TGFBR1: variants seen among roughly 807,000 people sequenced by gnomAD.
TGFBR1 encodes the protein transforming growth factor beta receptor 1, also known as TGF-beta receptor type-1.
TGFBR1 carries 20 observed loss-of-function variants against 55.1 expected under a neutral mutation model. That is an observed-to-expected ratio of 0.36 (90% confidence interval 0.26 to 0.53). The LOEUF (loss-of-function observed/expected upper bound fraction) is 0.53, where lower values mean the gene tolerates loss of function less well. TGFBR1 is among the 20% of genes least tolerant of loss of function. TGFBR1 has a pLI of 0.91. For missense variants in TGFBR1, 385 were observed against 617.6 expected (o/e 0.62, Z 3.99); for synonymous variants, 220 against 214.8 (o/e 1.02, Z -0.21).
intron 1 of TGFBR1, among the ~76,000 whole-genome samples, chr9:99,116,774 G>A (rs1044748965): frequency 6.6e-6 from 1 of 152,026 alleles, no homozygotes; most frequent in East Asian, 1.9e-4. Flanking sequence ...AGATTTTGAG[G>A]TCTGAAAACT....
intron 4 of TGFBR1, among the ~76,000 whole-genome samples, chr9:99,139,130 A>C (rs1827533909): frequency 6.6e-6 from 1 of 151,638 alleles, no homozygotes; most frequent in Non-Finnish European, 1.5e-5. Flanking sequence ...TCTGTCAGAG[A>C]CTTGTGTTTC....
intron 3 of TGFBR1, among the ~76,000 whole-genome samples, chr9:99,133,996 TAAAAA>T (rs550064982): frequency 9.0e-6 from 1 of 110,622 alleles, no homozygotes; most frequent in Non-Finnish European, 1.9e-5. Context: ...AGACTCCATC[TAAAAA>T]AAAAAAAAAA....
intron 2 of TGFBR1, among the ~76,000 whole-genome samples, 191 bp from the exon 3 acceptor site, chr9:99,132,318 G>A (rs1827255940): frequency 6.6e-6 from 1 of 152,158 alleles, no homozygotes; most frequent in South Asian, 2.1e-4. Context: ...GTGCATAAAA[G>A]GAGGCCTAGT....
At chr9:99,147,554 A>G (rs1266416939) in intron 7 of TGFBR1, 100 bp from the exon 8 acceptor site, 2 of 1,112,616 alleles carry the variant, frequency 1.8e-6, no homozygotes, top group Non-Finnish European at 2.7e-6. Context: ...TACCTACTTT[A>G]GTAATGAAAC....
chr9:99,132,355 G>A, intron 2 of TGFBR1, 154 bp from the exon 3 acceptor site: 1 of 1,293,276 alleles, frequency 7.7e-7, no homozygotes, highest in East Asian at 2.5e-5. Context: ...ACTTGTTCTG[G>A]GTTTGAGCCC....
intron 2 of TGFBR1, among the ~76,000 whole-genome samples, chr9:99,131,706 T>A (rs910472813): frequency 6.6e-6 from 1 of 152,066 alleles, no homozygotes; most frequent in Non-Finnish European, 1.5e-5. Context: ...GCATGGCTCA[T>A]GCCTGTAATC....
Position 99,133,507 on chromosome 9 carries a change from G to A in TGFBR1, c.574+768G>A, listed in dbSNP as rs11568770. On this transcript the variant is annotated intron_variant, in intron 3 of 8. Transcript: ENST00000374994. ...TGTGGTTTGGAAAAATATTAAGAGA[G>A]GAACACTCCTATCCCCTGTGTTTTT... 0.031 allele frequency among the ~76,000 whole-genome samples: 4,742 copies of A among 152,226 alleles called. 588 individuals carry two copies. The East Asian group carries it at 0.41, about 13-fold the overall frequency.
At position 99,151,227 on chromosome 9, in the gene TGFBR1, AG is replaced by A. The variant is rs1233798808; in HGVS notation, c.*1924del. On this transcript the variant is annotated 3_prime_UTR_variant, in exon 9 of 9. Coordinates refer to ENST00000374994, the MANE Select transcript of TGFBR1 (RefSeq NM_004612.4). ...AAAACATCATGGGAAAAATGCTTAGAGGTTACTATTTTGACTACAAAGTTGA... is the reference window on the plus strand; with the variant it reads ...AAAACATCATGGGAAAAATGCTTAGAGTTACTATTTTGACTACAAAGTTGA... 4.3e-6 allele frequency: 1 copy of A among 231,600 alleles called. No individual in the cohort carries two copies. The highest frequency in any genetic ancestry group is 2.2e-5 in the African/African-American group (1 of 45,254). The allele number at this position is 231,600 out of a possible 1,614,324, so 14.3% of individuals were successfully genotyped here. A position where few individuals can be genotyped will look rare whatever the true frequency, so the allele number is the denominator to read the frequency against.
In TGFBR1 at chr9:99,147,789, G is replaced by A; in HGVS notation, c.1386+5G>A. The A allele has an allele frequency of 6.2e-7, 1 of 1,613,664 alleles. No homozygotes were observed. The highest frequency in any genetic ancestry group is 8.5e-7 in the Non-Finnish European group (1 of 1,179,744). On this transcript the variant is annotated splice_donor_5th_base_variant and intron_variant, in intron 8 of 8. Transcript: ENST00000374994. ...AACAGATGGCAGAGCTGTGAAGTGA[G>A]TATTTCTTTTTGATATTAGGCAATT... is the stretch of plus-strand genomic sequence containing the variant.
At position 99,150,368 on chromosome 9, in the gene TGFBR1, G is replaced by A. The variant is rs201191454; in HGVS notation, c.*1063G>A. ...TGTCTAGCTGCTTGTGAAAAGTTAT[G>A]TGGTATTCTGTAAGCCATTTTTTTC... On this transcript the variant is annotated 3_prime_UTR_variant, in exon 9 of 9. Transcript: ENST00000374994. The A allele has an allele frequency of 4.3e-5, 9 of 207,324 alleles. No individual in the cohort carries two copies. Among genetic ancestry groups the A allele is most frequent in the Non-Finnish European group, 7.9e-5 (8 of 101,522 alleles). The allele number at this position is 207,324 out of a possible 1,614,324, so 12.8% of individuals were successfully genotyped here.
chr9:99,146,683 T>A (rs1827807751), intron 7 of TGFBR1, 74 bp downstream of exon 7: 1 of 1,600,318 alleles, frequency 6.2e-7, no homozygotes, highest in Middle Eastern at 1.7e-4. Flanking sequence ...TTTTTTTAAT[T>A]GAATGAAATT....
In TGFBR1 at chr9:99,119,245, G is replaced by A. The variant is rs533278859; in HGVS notation, c.98-9610G>A. The stretch of plus-strand genomic sequence containing the variant: ...TCTGCCCCGAGTCAATGGCAGCTGG[G>A]AGTGGTTACCACTTCCTTCTCTTAC... On this transcript the variant is annotated intron_variant, in intron 1 of 8. Coordinates refer to ENST00000374994, the MANE Select transcript of TGFBR1 (RefSeq NM_004612.4). 2.6e-5 allele frequency among the ~76,000 whole-genome samples: 4 copies of A among 152,274 alleles called. No homozygotes were observed. The East Asian group carries it at 7.7e-4, about 29-fold the overall frequency.
At position 99,132,725 on chromosome 9, in the gene TGFBR1, C is replaced by T; in HGVS notation, c.560C>T (p.Ser187Leu). Residue 187 changes from serine to leucine, a missense_variant, in exon 3 of 9, where the codon TCA (serine) becomes TTA (leucine). Around this residue, in one of 5 missense-constraint regions of TGFBR1, gnomAD observed 146 missense variants for 167.7 expected, o/e 0.87. Coordinates refer to ENST00000374994, the MANE Select transcript of TGFBR1 (RefSeq NM_004612.4). Reference protein sequence around the residue: ...LKDLIYDMTTSGSGSGLPLLV... With the variant: ...LKDLIYDMTTLGSGSGLPLLV... ...GACTTAATTTATGATATGACAACGT[C>T]AGGTTCTGGCTCAGGTAACATAATT... 6.2e-7 allele frequency: 1 copy of T among 1,614,118 alleles called. No homozygotes were observed. The highest frequency in any genetic ancestry group is 8.5e-7 in the Non-Finnish European group (1 of 1,180,008).
chr9:99,123,386 A>C (rs561004122), intron 1 of TGFBR1, among the ~76,000 whole-genome samples: 1 of 152,250 alleles, frequency 6.6e-6, no homozygotes, highest in East Asian at 1.9e-4. Flanking sequence ...TGGACAGTGT[A>C]GTAGAAAGGT....
chr9:99,105,427 G>A, intron 1 of TGFBR1, 125 bp downstream of exon 1: 1 of 852,588 alleles, frequency 1.2e-6, no homozygotes, highest in Non-Finnish European at 1.4e-6. Flanking sequence ...GCCGGGGCCC[G>A]GGCCGGGCTC....
In TGFBR1 at chr9:99,105,160, C is replaced by G. The variant is rs1268311968; in HGVS notation, c.-46C>G. On this transcript the variant is annotated 5_prime_UTR_variant, in exon 1 of 9. Transcript: ENST00000374994. The stretch of plus-strand genomic sequence containing the variant: ...GGCGAGGTTTGCTGGGGTGAGGCAG[C>G]GGCGCGGCCGGGCCGGGCCGGGCCA... 2 of 1,081,870 alleles carry G rather than the reference C, an allele frequency of 1.8e-6. No individual in the cohort carries two copies. Among genetic ancestry groups the G allele is most frequent in the East Asian group, 5.2e-5 (1 of 19,094 alleles). 67.0% of individuals were successfully genotyped at this position (1,081,870 alleles called of 1,614,324 possible). A position where few individuals can be genotyped will look rare whatever the true frequency, so the allele number is the denominator to read the frequency against.
chr9:99,131,090 A>T (rs1827209835), intron 2 of TGFBR1, among the ~76,000 whole-genome samples: 1 of 152,208 alleles, frequency 6.6e-6, no homozygotes, highest in Non-Finnish European at 1.5e-5. Context: ...AAGACAGAAT[A>T]CCAGGCAAAA....
intron 1 of TGFBR1, among the ~76,000 whole-genome samples, chr9:99,114,947 C>T (rs1406618806): frequency 2.0e-5 from 3 of 152,130 alleles, no homozygotes; most frequent in Non-Finnish European, 4.4e-5. Context: ...GGAGAGACCA[C>T]ACTTATCTGA....
At chr9:99,145,367 A>G (rs909706670) in intron 6 of TGFBR1, among the ~76,000 whole-genome samples, 16 of 152,126 alleles carry the variant, frequency 1.1e-4, no homozygotes, top group Non-Finnish European at 1.9e-4. Flanking sequence ...TCCCGTAGGA[A>G]GTTTTTTCTA....
Sources: allele counts gnomAD v4.1 joint callset (sites outside exome capture counted in the v4.1 genomes callset), GRCh38; gene constraint gnomAD v4.1.1; regional missense constraint gnomAD v4.1.1; transcripts MANE v1.5; gene names NCBI Gene and HGNC (gene_info 2026-07-23, HGNC 2026-07-21).